Variants in SLC9A9 observed in about 807,000 individuals in gnomAD.
SLC9A9 encodes sodium/hydrogen exchanger 9.
A neutral mutation model predicts 77.8 loss-of-function variants in SLC9A9; 62 were observed. The ratio of observed to expected loss-of-function variants is 0.80; its 90% confidence interval spans 0.65 to 0.98. The LOEUF (loss-of-function observed/expected upper bound fraction) is 0.98, where lower values mean the gene tolerates loss of function less well. Ranked by LOEUF, SLC9A9 falls within the 50% of genes least tolerant of loss-of-function variation. The pLI is 0.00. For synonymous variants in SLC9A9, 320 were observed against 283.5 expected, an observed-to-expected ratio of 1.13 and a Z score of -1.29; for missense variants, 775 against 774.9, an observed-to-expected ratio of 1.00 and a Z score of 0.00.
chr3:143,740,643 ACCTC>A (rs1560057694), intron 4 of SLC9A9, among the ~76,000 whole-genome samples: 1 of 152,184 alleles, frequency 6.6e-6, no homozygotes, highest in Non-Finnish European at 1.5e-5. Context: ...AAATGATCAT[ACCTC>A]CCCATTGGGA....
intron 8 of SLC9A9, among the ~76,000 whole-genome samples, chr3:143,561,895 A>G (rs7633585): frequency 0.064 from 9,814 of 152,266 alleles, 574 homozygotes; most frequent in African/African-American, 0.16. Context: ...AGCTTTGCAC[A>G]TTCTATGCCC....
rs2009871465 is a variant in SLC9A9, at chr3:143,848,215, C to A, written c.108G>T (p.Leu36Phe). 6.2e-7 allele frequency: 1 copy of A among 1,613,990 alleles called. No individual in the cohort carries two copies. The highest frequency in any genetic ancestry group is 2.2e-5 in the East Asian group (1 of 44,870). ...GATGATTTTTAAATAACCAGATTGT[C>A]AAAATGGTAAGGATGAGCAAAAAAT... ...VFNFLLILTI[L>F]TIWLFKNHRF... Residue 36 changes from leucine (L) to phenylalanine (F), a missense_variant, in exon 1 of 16, where the codon TTG becomes TTT. Coordinates refer to ENST00000316549, the MANE Select transcript of SLC9A9 (RefSeq NM_173653.4).
At chr3:143,624,445 G>GCAAGACTGGTTCAACATATGCAAAT (rs1241415087) in intron 6 of SLC9A9, among the ~76,000 whole-genome samples, 18 of 152,344 alleles carry the variant, frequency 1.2e-4, no homozygotes, top group African/African-American at 4.3e-4. Context: ...TCCCTGGGAT[G>GCAAGACTGGTTCAACATATGCAAAT]CAAGACTGGT....
At chr3:143,521,695 C>A (rs2036301966) in intron 9 of SLC9A9, among the ~76,000 whole-genome samples, 1 of 151,916 alleles carries the variant, frequency 6.6e-6, no homozygotes, top group Non-Finnish European at 1.5e-5. Context: ...TATTTTGATA[C>A]ATGTATTTTC....
chr3:143,351,651 A>G (rs1402914334), intron 14 of SLC9A9, among the ~76,000 whole-genome samples: 3 of 152,224 alleles, frequency 2.0e-5, no homozygotes, highest in African/African-American at 7.2e-5. Flanking sequence ...AATAAGGCAT[A>G]TCTCTGGACT....
In SLC9A9 at chr3:143,773,285, G is replaced by C. The variant is rs142260518; in HGVS notation, c.533+21716C>G. On this transcript the variant is annotated intron_variant, in intron 4 of 15. Transcript: ENST00000316549. The stretch of plus-strand genomic sequence containing the variant: ...GCTAGCAATGAGGTCTCTGGACATG[G>C]AGTTGGGAAGAGATGTTCAGTAGCA... Among the ~76,000 whole-genome samples the C allele has an allele frequency of 5.4e-3, 822 of 152,224 alleles. 11 individuals carry two copies. Among genetic ancestry groups the C allele is most frequent in the African/African-American group, 0.019 (791 of 41,538 alleles).
At chr3:143,479,643 G>A (rs1559933837) in intron 11 of SLC9A9, among the ~76,000 whole-genome samples, 1 of 152,122 alleles carries the variant, frequency 6.6e-6, no homozygotes, top group Non-Finnish European at 1.5e-5. Flanking sequence ...CTTAAATGGA[G>A]GGAAGAGAGC....
intron 14 of SLC9A9, among the ~76,000 whole-genome samples, chr3:143,272,540 T>C (rs1937927267): frequency 6.6e-6 from 1 of 152,188 alleles, no homozygotes; most frequent in Non-Finnish European, 1.5e-5. Context: ...AGACACTGAG[T>C]AACGGGACTT....
At chr3:143,697,025 T>C (rs975523360) in intron 4 of SLC9A9, among the ~76,000 whole-genome samples, 2 of 151,974 alleles carry the variant, frequency 1.3e-5, no homozygotes, top group East Asian at 3.8e-4. Flanking sequence ...TCAAGATTCC[T>C]GTTATTTACA....
At chr3:143,331,907 C>T (rs1267090052) in intron 14 of SLC9A9, among the ~76,000 whole-genome samples, 1 of 152,072 alleles carries the variant, frequency 6.6e-6, no homozygotes, top group Non-Finnish European at 1.5e-5. Flanking sequence ...AGTCAGGAAT[C>T]CTCACAGAAA....
intron 14 of SLC9A9, chr3:143,314,148 C>G (rs1240547402): frequency 1.3e-5 from 2 of 152,260 alleles, no homozygotes; most frequent in Non-Finnish European, 2.9e-5. Flanking sequence ...TACATTTTCT[C>G]TTTTCCATCT....
chr3:143,757,210 G>T (rs1488953428), intron 4 of SLC9A9, among the ~76,000 whole-genome samples: 1 of 152,042 alleles, frequency 6.6e-6, no homozygotes, highest in Non-Finnish European at 1.5e-5. Flanking sequence ...TTTCAATAAT[G>T]TAGATTTGCG....
chr3:143,279,408 G>T (rs1220283158), intron 14 of SLC9A9, among the ~76,000 whole-genome samples: 1 of 152,164 alleles, frequency 6.6e-6, no homozygotes, highest in Non-Finnish European at 1.5e-5. Context: ...TTCATGTTGG[G>T]CATCAGATTT....
intron 9 of SLC9A9, among the ~76,000 whole-genome samples, chr3:143,505,136 G>A (rs9849487): frequency 0.22 from 33,466 of 151,778 alleles, 4,795 homozygotes; most frequent in Non-Finnish European, 0.33. Flanking sequence ...GCAACAGTGT[G>A]TGGCTTGAGG....
At chr3:143,588,606 A>G (rs1345433268) in intron 6 of SLC9A9, among the ~76,000 whole-genome samples, 1 of 152,240 alleles carries the variant, frequency 6.6e-6, no homozygotes, top group Non-Finnish European at 1.5e-5. Context: ...TTTCTTTGAA[A>G]AGAGATCTTA....
At chr3:143,307,425 T>C (rs550586090) in intron 14 of SLC9A9, among the ~76,000 whole-genome samples, 1 of 152,254 alleles carries the variant, frequency 6.6e-6, no homozygotes, top group Admixed American at 6.5e-5. Flanking sequence ...ATTCTGCACA[T>C]ATGATCTCTT....
chr3:143,680,653 C>T (rs1264073585), intron 5 of SLC9A9, among the ~76,000 whole-genome samples: 1 of 152,102 alleles, frequency 6.6e-6, no homozygotes. Context: ...TATACTCGGG[C>T]ACCTCACAAA....
At chr3:143,458,341 A>G (rs1224238407) in intron 12 of SLC9A9, among the ~76,000 whole-genome samples, 1 of 152,036 alleles carries the variant, frequency 6.6e-6, no homozygotes, top group African/African-American at 2.4e-5. Flanking sequence ...TGTGTTTCTT[A>G]TAGACAGCAT....
intron 13 of SLC9A9, among the ~76,000 whole-genome samples, chr3:143,374,709 CAATGTG>C (rs2033141981): frequency 6.6e-6 from 1 of 151,904 alleles, no homozygotes; most frequent in African/African-American, 2.4e-5. Flanking sequence ...TACAGGCATG[CAATGTG>C]AAATAAGCAC....
Sources: allele counts gnomAD v4.1 joint callset (sites outside exome capture counted in the v4.1 genomes callset), GRCh38; gene constraint gnomAD v4.1.1; transcripts MANE v1.5; gene names NCBI Gene and HGNC (gene_info 2026-07-23, HGNC 2026-07-21).